Variants in NTN1 observed in about 807,000 individuals in gnomAD.
The protein encoded by NTN1 is netrin-1.
In NTN1, 11 loss-of-function variants were observed where a neutral mutation model predicts 54.2. That is an observed-to-expected ratio of 0.20 (90% CI 0.13 to 0.34). The LOEUF is 0.34. Among genes scored for constraint, NTN1 ranks in the 10% least tolerant of loss-of-function variants. NTN1 has a pLI of 1.00. For missense variants in NTN1, 740 were observed against 893.1 expected (o/e 0.83, Z 2.18); for synonymous variants, 371 against 382.0 (o/e 0.97, Z 0.33).
intron 2 of NTN1, among the ~76,000 whole-genome samples, chr17:9,071,021 C>A (rs1162100835): frequency 6.6e-6 from 1 of 152,170 alleles, no homozygotes; most frequent in Non-Finnish European, 1.5e-5. Flanking sequence ...TGCGTGTCCG[C>A]CACGTTGCTT....
At chr17:9,238,375 T>C (rs1906064676) in intron 6 of NTN1, among the ~76,000 whole-genome samples, 1 of 152,148 alleles carries the variant, frequency 6.6e-6, no homozygotes, top group Non-Finnish European at 1.5e-5. Context: ...TTTCGCCCAG[T>C]GAAGGCTACA....
In NTN1 at chr17:9,219,907, C is replaced by T. The variant is rs1597544653; in HGVS notation, c.1412-1261C>T. ...CTTTTCCTAATCCCTCACCAGGACA[C>T]ACACCCAGCCAACTTCCATCAACCC... On this transcript the variant is annotated intron_variant, in intron 5 of 6. Transcript: ENST00000173229. The surrounding 1 kb of genome is among the most constrained non-coding windows in gnomAD (Gnocchi z 4.5). Among the ~76,000 whole-genome samples, 1 of 152,224 alleles carries T rather than the reference C, an allele frequency of 6.6e-6. No homozygotes were observed. Among genetic ancestry groups the T allele is most frequent in the Non-Finnish European group, 1.5e-5 (1 of 68,030 alleles).
chr17:9,091,927 T>C (rs1217736220), intron 2 of NTN1, among the ~76,000 whole-genome samples: 1 of 152,156 alleles, frequency 6.6e-6, no homozygotes, highest in Non-Finnish European at 1.5e-5. Context: ...GGAATCTGAC[T>C]ACTCTAGCTA....
the NTN1 span, among the ~76,000 whole-genome samples, chr17:9,009,747 T>G: frequency 6.6e-6 from 1 of 152,154 alleles, no homozygotes; most frequent in Admixed American, 6.5e-5. Flanking sequence ...GAATCATATT[T>G]CATGAAAAAC....
chr17:9,162,125 G>T (rs1567725186), intron 2 of NTN1, among the ~76,000 whole-genome samples: 1 of 152,156 alleles, frequency 6.6e-6, no homozygotes, highest in Non-Finnish European at 1.5e-5. Context: ...GCAGGGCTGG[G>T]CAGCCTCCGG....
At chr17:9,203,875 G>A (rs1057023299) in intron 5 of NTN1, among the ~76,000 whole-genome samples, 1 of 152,136 alleles carries the variant, frequency 6.6e-6, no homozygotes, top group Admixed American at 6.6e-5. Context: ...AGAGGAAGCA[G>A]CATAATGGGG....
intron 5 of NTN1, among the ~76,000 whole-genome samples, chr17:9,198,241 G>A (rs917701672): frequency 1.6e-4 from 25 of 152,200 alleles, no homozygotes; most frequent in Non-Finnish European, 3.1e-4. Flanking sequence ...GCCTGATCAC[G>A]CGGGAGCTTG....
At chr17:9,162,672 GCTCCTGGAGCACAAGT>G in intron 2 of NTN1, 125 bp from the exon 3 acceptor site, 2 of 761,076 alleles carry the variant, frequency 2.6e-6, no homozygotes, top group Non-Finnish European at 4.4e-6. Flanking sequence ...CCGAGGAGGA[GCTCCTGGAGCACAAGT>G]CTGCCTGCCT....
intron 2 of NTN1, among the ~76,000 whole-genome samples, chr17:9,132,589 G>T (rs149858548): frequency 6.6e-6 from 1 of 152,158 alleles, no homozygotes; most frequent in Non-Finnish European, 1.5e-5. Context: ...AGAATGACAC[G>T]TCCGGCCAGG....
rs376326723 is a variant in NTN1 at position 9,208,221 on chromosome 17, C to T, written c.1412-12947C>T. 5.3e-5 allele frequency among the ~76,000 whole-genome samples: 8 copies of T among 152,320 alleles called. No individual in the cohort carries two copies. The East Asian group carries it at 1.5e-3, about 29-fold the overall frequency. ...CACTCCAGCCTAGGCCACAGATCGA[C>T]ACTCCATCTCTAAATAAATAAATAA... On this transcript the variant is annotated intron_variant, in intron 5 of 6. Coordinates refer to ENST00000173229, the MANE Select transcript of NTN1 (RefSeq NM_004822.3).
intron 5 of NTN1, among the ~76,000 whole-genome samples, chr17:9,197,673 AGAAG>A (rs1461475810): frequency 5.5e-5 from 8 of 145,134 alleles, no homozygotes; most frequent in Non-Finnish European, 7.4e-5. Flanking sequence ...AAAAAAAAAA[AGAAG>A]GAAGAAAAAG....
intron 2 of NTN1, among the ~76,000 whole-genome samples, chr17:9,051,972 T>G (rs2091961911): frequency 6.6e-6 from 1 of 152,158 alleles, no homozygotes; most frequent in Admixed American, 6.5e-5. Context: ...GGTTTTTTTT[T>G]TTTGTATTTT....
At chr17:9,006,500 A>G in the NTN1 span, among the ~76,000 whole-genome samples, 1 of 152,292 alleles carries the variant, frequency 6.6e-6, no homozygotes, top group South Asian at 2.1e-4. Flanking sequence ...TGGACTCCCA[A>G]TCCGGAGCCA....
chr17:9,230,649 A>AT (rs1905777560), intron 6 of NTN1, among the ~76,000 whole-genome samples: 1 of 150,100 alleles, frequency 6.7e-6, no homozygotes, highest in Non-Finnish European at 1.5e-5. Context: ...GGGTGCTGTG[A>AT]TGCTGGGGTC....
At chr17:9,090,861 G>A (rs2092108144) in intron 2 of NTN1, among the ~76,000 whole-genome samples, 1 of 152,184 alleles carries the variant, frequency 6.6e-6, no homozygotes, top group Non-Finnish European at 1.5e-5. Context: ...TCTAAGGCAA[G>A]CCTGGAGCTG....
chr17:9,197,682 AAAAAG>A (rs956866846), intron 5 of NTN1, among the ~76,000 whole-genome samples: 5 of 151,238 alleles, frequency 3.3e-5, no homozygotes, highest in African/African-American at 1.2e-4. Context: ...AAGAAGGAAG[AAAAAG>A]AAAAGAAATT....
chr17:9,072,145 C>A (rs762594068), intron 2 of NTN1, among the ~76,000 whole-genome samples: 1 of 152,104 alleles, frequency 6.6e-6, no homozygotes, highest in Non-Finnish European at 1.5e-5. Context: ...ACTTTCTCCA[C>A]GTGATCCATC....
intron 2 of NTN1, among the ~76,000 whole-genome samples, chr17:9,105,514 G>C (rs865959463): frequency 6.6e-6 from 1 of 152,194 alleles, no homozygotes; most frequent in South Asian, 2.1e-4. Flanking sequence ...TTATAAATCT[G>C]TCAAAACGTG....
At chr17:9,152,857 G>C (rs1488645920) in intron 2 of NTN1, among the ~76,000 whole-genome samples, 1 of 152,224 alleles carries the variant, frequency 6.6e-6, no homozygotes, top group Non-Finnish European at 1.5e-5. Context: ...ACACACCTGG[G>C]GGAGTCGCGG....
Sources: allele counts gnomAD v4.1 joint callset (sites outside exome capture counted in the v4.1 genomes callset), GRCh38; gene constraint gnomAD v4.1.1; non-coding constraint Gnocchi (gnomAD v3.1); transcripts MANE v1.5; gene names NCBI Gene and HGNC (gene_info 2026-07-23, HGNC 2026-07-21).